Variants in ZNF804A observed in about 807,000 individuals in gnomAD.
ZNF804A encodes the protein zinc finger protein 804A.
Under a neutral mutation model 16.5 loss-of-function variants are expected in ZNF804A, and 2 were observed. The observed-to-expected ratio is 0.12, with a 90% confidence interval of 0.05 to 0.38. The LOEUF is 0.38. Ranked by LOEUF, ZNF804A falls within the 10% of genes least tolerant of loss-of-function variation. The pLI, the probability that ZNF804A is intolerant of heterozygous loss-of-function variation, is 0.99. For synonymous variants in ZNF804A, 534 were observed against 489.6 expected (o/e 1.09, Z -1.20); for missense variants, 1,473 against 1,390.7 (o/e 1.06, Z -0.94).
In ZNF804A at chr2:184,865,942, T is replaced by C. The variant is rs536951301; in HGVS notation, c.112-427T>C. On this transcript the variant is annotated intron_variant, in intron 1 of 3. Coordinates refer to ENST00000302277, the MANE Select transcript of ZNF804A (RefSeq NM_194250.2). ...AAACAAACAAAATACAAAACTTGTA[T>C]ATTTGTGCACAAATATAGACCTTTT... Among the ~76,000 whole-genome samples the C allele has an allele frequency of 2.0e-5, 3 of 152,300 alleles. No individual in the cohort carries two copies. In the South Asian group the frequency reaches 6.2e-4, roughly 32 times the overall value.
At chr2:184,785,702 G>A (rs1694436272) in intron 1 of ZNF804A, among the ~76,000 whole-genome samples, 2 of 151,980 alleles carry the variant, frequency 1.3e-5, no homozygotes, top group South Asian at 4.1e-4. Flanking sequence ...AAATGTATAT[G>A]TGTGTATGCA....
At chr2:184,678,137 T>A (rs538070227) in intron 1 of ZNF804A, among the ~76,000 whole-genome samples, 2 of 152,228 alleles carry the variant, frequency 1.3e-5, no homozygotes, top group South Asian at 4.1e-4. Context: ...TATCTCCATA[T>A]ACTTTGAAGT....
chr2:184,618,196 T>TATC (rs1184656685), intron 1 of ZNF804A, among the ~76,000 whole-genome samples: 1 of 152,118 alleles, frequency 6.6e-6, no homozygotes, highest in African/African-American at 2.4e-5. Flanking sequence ...TGCCTCCAAA[T>TATC]ATCATGGTTT....
intron 1 of ZNF804A, among the ~76,000 whole-genome samples, chr2:184,758,235 G>A (rs1693987350): frequency 6.6e-6 from 1 of 151,546 alleles, no homozygotes; most frequent in Non-Finnish European, 1.5e-5. Flanking sequence ...TATGACATGA[G>A]GAATGAAAAA....
At chr2:184,849,066 G>A (rs1200374456) in intron 1 of ZNF804A, among the ~76,000 whole-genome samples, 1 of 151,932 alleles carries the variant, frequency 6.6e-6, no homozygotes, top group Non-Finnish European at 1.5e-5. Context: ...CAACTAACTG[G>A]TGCTCCATCT....
chr2:184,740,853 G>A (rs1693700320), intron 1 of ZNF804A, among the ~76,000 whole-genome samples: 1 of 152,134 alleles, frequency 6.6e-6, no homozygotes, highest in Non-Finnish European at 1.5e-5. Flanking sequence ...GTGAGAGAGA[G>A]CTTTAGGACC....
At chr2:184,699,814 T>A (rs983984559) in intron 1 of ZNF804A, among the ~76,000 whole-genome samples, 1 of 152,086 alleles carries the variant, frequency 6.6e-6, no homozygotes, top group Non-Finnish European at 1.5e-5. Context: ...TAGATTCTGT[T>A]GTTATTATTG....
intron 1 of ZNF804A, among the ~76,000 whole-genome samples, chr2:184,853,952 CTCT>C (rs1458015754): frequency 6.6e-6 from 1 of 150,986 alleles, no homozygotes; most frequent in African/African-American, 2.4e-5. Context: ...GAAGTATTTC[CTCT>C]TCTTCAACTT....
chr2:184,663,650 T>C (rs1692214509), intron 1 of ZNF804A, among the ~76,000 whole-genome samples: 2 of 152,106 alleles, frequency 1.3e-5, no homozygotes, highest in Non-Finnish European at 2.9e-5. Flanking sequence ...GTTTAGTCCA[T>C]GGCCCAGATT....
chr2:184,864,054 T>C (rs1160622803), intron 1 of ZNF804A, among the ~76,000 whole-genome samples: 1 of 152,168 alleles, frequency 6.6e-6, no homozygotes, highest in Non-Finnish European at 1.5e-5. Flanking sequence ...AGTTCATTTG[T>C]GTTGTTCTAA....
At chr2:184,849,943 T>C (rs138406057) in intron 1 of ZNF804A, among the ~76,000 whole-genome samples, 2 of 152,112 alleles carry the variant, frequency 1.3e-5, no homozygotes, top group Non-Finnish European at 2.9e-5. Flanking sequence ...GAGGTCATTA[T>C]GTTAAGTGAA....
chr2:184,785,623 G>T (rs1002582611), intron 1 of ZNF804A, among the ~76,000 whole-genome samples: 1 of 151,880 alleles, frequency 6.6e-6, no homozygotes, highest in Non-Finnish European at 1.5e-5. Flanking sequence ...ATTCAAGTCT[G>T]GCTAAGATTA....
At position 184,824,774 on chromosome 2, in the gene ZNF804A, A is replaced by C. The variant is rs577217092; in HGVS notation, c.112-41595A>C. On this transcript the variant is annotated intron_variant, in intron 1 of 3. Coordinates refer to ENST00000302277, the MANE Select transcript of ZNF804A (RefSeq NM_194250.2). Reference sequence around the variant, plus strand: ...AAAAGCTGAAGGCTGGAATCCTCTCAGAGCTGGTCCTTTCACATGTCTAGG... The same window carrying C: ...AAAAGCTGAAGGCTGGAATCCTCTCCGAGCTGGTCCTTTCACATGTCTAGG... Among the ~76,000 whole-genome samples, 7 of 152,268 alleles carry C rather than the reference A, an allele frequency of 4.6e-5. No homozygotes were observed. In the South Asian group the frequency reaches 1.5e-3, roughly 32 times the overall value.
intron 1 of ZNF804A, among the ~76,000 whole-genome samples, chr2:184,652,987 C>A (rs1283834321): frequency 6.6e-6 from 1 of 151,856 alleles, no homozygotes; most frequent in East Asian, 1.9e-4. Flanking sequence ...AACTGTGAGT[C>A]AATTAAACCT....
In ZNF804A at chr2:184,938,720, A is replaced by AGCTGCTGCAGCTGCAGCTGCAGCC. The variant is rs768734554; in HGVS notation, c.3327_3350dup (p.Ala1112_Ala1119dup). The AGCTGCTGCAGCTGCAGCTGCAGCC allele has an allele frequency of 2.1e-5, 34 of 1,608,126 alleles. No homozygotes were observed. The Admixed American group carries it at 3.4e-4, about 16-fold the overall frequency. On this transcript the variant is annotated inframe_insertion, in exon 4 of 4. Transcript: ENST00000302277. ...ACACTGTTTTGCAGCAGCACGCTGC[A>AGCTGCTGCAGCTGCAGCTGCAGCC]GCTGCTGCAGCTGCAGCTGCAGCCG...
At position 184,711,549 on chromosome 2, in the gene ZNF804A, A is replaced by G. The variant is rs896125551; in HGVS notation, c.111+112479A>G. Among the ~76,000 whole-genome samples, 3 of 151,542 alleles carry G rather than the reference A, an allele frequency of 2.0e-5. No individual in the cohort carries two copies. The South Asian group carries it at 6.2e-4, about 31-fold the overall frequency. ...GTCTATTTTTGCTTTTGTTGCTTGCACTTTTTATGCATATTTTAAAAAATT... is the reference window on the plus strand; with the variant it reads ...GTCTATTTTTGCTTTTGTTGCTTGCGCTTTTTATGCATATTTTAAAAAATT... On this transcript the variant is annotated intron_variant, in intron 1 of 3. Coordinates refer to ENST00000302277, the MANE Select transcript of ZNF804A (RefSeq NM_194250.2).
chr2:184,645,862 G>C (rs1192592045), intron 1 of ZNF804A, among the ~76,000 whole-genome samples: 1 of 152,180 alleles, frequency 6.6e-6, no homozygotes, highest in Non-Finnish European at 1.5e-5. Flanking sequence ...CCATAAAGAT[G>C]TGTGGCTGAT....
At chr2:184,660,678 T>G (rs1211488617) in intron 1 of ZNF804A, among the ~76,000 whole-genome samples, 1 of 152,234 alleles carries the variant, frequency 6.6e-6, no homozygotes, top group African/African-American at 2.4e-5. Flanking sequence ...TCTAGAAACG[T>G]AGTCTACTAT....
intron 1 of ZNF804A, among the ~76,000 whole-genome samples, chr2:184,762,772 T>C (rs1221688302): frequency 6.6e-6 from 1 of 152,132 alleles, no homozygotes; most frequent in Non-Finnish European, 1.5e-5. Context: ...TATTTATCAA[T>C]GATGACCTTA....
Sources: allele counts gnomAD v4.1 joint callset (sites outside exome capture counted in the v4.1 genomes callset), GRCh38; gene constraint gnomAD v4.1.1; transcripts MANE v1.5; gene names NCBI Gene and HGNC (gene_info 2026-07-23, HGNC 2026-07-21).